The following SMIM27 variants were observed in gnomAD, a reference collection of about 807,000 sequenced individuals.
SMIM27 encodes the protein transition zone microprotein 1.
Under a neutral mutation model 1.8 loss-of-function variants are expected in SMIM27, and 3 were observed. The ratio of observed to expected loss-of-function variants is 1.65; its 90% CI spans 0.75 to 4.28. The LOEUF is 4.28. Ranked by LOEUF, SMIM27 falls within the 30% of genes most tolerant of loss-of-function variation. SMIM27 has a pLI of 0.02. For missense variants in SMIM27, 63 were observed against 37.0 expected (o/e 1.70, Z -1.83); for synonymous variants, 19 against 13.9 (o/e 1.37, Z -0.82).
At position 32,563,979 on chromosome 9, in the gene SMIM27, G is replaced by A. The variant is rs375983975; in HGVS notation, c.46-2412G>A. Among the ~76,000 whole-genome samples, 8 of 152,042 alleles carry A rather than the reference G, an allele frequency of 5.3e-5. No homozygotes were observed. The East Asian group carries it at 7.7e-4, about 15-fold the overall frequency. ...CTCATCTTATACTTTCTCTCCTCCCGCCCTAGAATTGGCCACTGCTCTGAG... is the reference window on the plus strand; with the variant it reads ...CTCATCTTATACTTTCTCTCCTCCCACCCTAGAATTGGCCACTGCTCTGAG... On this transcript the variant is annotated intron_variant, in intron 1 of 1. Coordinates refer to the SMIM27 transcript ENST00000451672.
At chr9:32,557,361 G>A (rs1413168352), downstream of SMIM27, among the ~76,000 whole-genome samples, 1 of 151,184 alleles carries the variant, frequency 6.6e-6, no homozygotes, top group Non-Finnish European at 1.5e-5. Flanking sequence ...TACAGATGGT[G>A]TTTCACCATG....
At chr9:32,566,521 C>T in exon 2 of SMIM27, 1 of 770,218 alleles carries the variant, frequency 1.3e-6, no homozygotes, top group Non-Finnish European at 2.4e-6. Flanking sequence ...GAGACGGCTG[C>T]CACCCTTGGC....
chr9:32,552,761 T>G, intron 1 of SMIM27, 40 bp from the exon 2 acceptor site: 4 of 692,726 alleles, frequency 5.8e-6, no homozygotes, highest in Non-Finnish European at 1.1e-5. Context: ...AGGGGAAATA[T>G]CAGGTAGATT....
At chr9:32,552,221 C>T, upstream of SMIM27, 1 of 639,270 alleles carries the variant, frequency 1.6e-6, no homozygotes, top group South Asian at 1.9e-5. Context: ...TCGTTTATTC[C>T]CCTCTCTAAA....
chr9:32,553,175 A>G (rs2118991251), downstream of SMIM27: 1 of 337,004 alleles, frequency 3.0e-6, no homozygotes, highest in Non-Finnish European at 5.4e-6. Context: ...AAGTTTCTAA[A>G]TTCTTCAAAA....
chr9:32,565,874 A>G (rs1436109531), intron 1 of SMIM27, among the ~76,000 whole-genome samples: 1 of 152,154 alleles, frequency 6.6e-6, no homozygotes, highest in Non-Finnish European at 1.5e-5. Context: ...TGGGAGGTTG[A>G]GGCAGGAGAA....
Position 32,552,714 on chromosome 9 carries a change from C to T in SMIM27, c.46-87C>T, listed in dbSNP as rs1171212861. ...TTATTCGACTTTGTTACTTTAATTC[C>T]CACCTTAGCAATGGCAACGGTAACC... is the stretch of plus-strand genomic sequence containing the variant. On this transcript the variant is annotated intron_variant, in intron 1 of 1. Transcript: ENST00000692500. The T allele has an allele frequency of 9.0e-6, 6 of 667,798 alleles. No homozygotes were observed. In the East Asian group the frequency reaches 1.6e-4, roughly 18 times the overall value. The allele number at this position is 667,798 out of a possible 1,614,324, so 41.4% of individuals were successfully genotyped here.
upstream of SMIM27, chr9:32,552,257 G>C (rs928451141): frequency 1.3e-5 from 11 of 823,952 alleles, no homozygotes; most frequent in Admixed American, 2.3e-5. Flanking sequence ...CCGATCACGT[G>C]ATACCGCCCC....
downstream of SMIM27, chr9:32,553,530 C>T: frequency 4.5e-6 from 1 of 220,268 alleles, no homozygotes; most frequent in Non-Finnish European, 9.1e-6. Context: ...AATTGCTGTT[C>T]TTACATTTGT....
chr9:32,558,494 C>A (rs995821110), intron 1 of SMIM27, among the ~76,000 whole-genome samples: 1 of 152,158 alleles, frequency 6.6e-6, no homozygotes, highest in Non-Finnish European at 1.5e-5. Context: ...AAATGAGGTA[C>A]AAAGCCATAG....
downstream of SMIM27, among the ~76,000 whole-genome samples, chr9:32,556,473 CCT>C (rs1312081823): frequency 2.6e-5 from 4 of 152,186 alleles, no homozygotes; most frequent in Admixed American, 2.0e-4. Flanking sequence ...AAGAAATAAA[CCT>C]CTGTTTTGTT....
At chr9:32,557,249 C>G (rs150265064), downstream of SMIM27, among the ~76,000 whole-genome samples, 30 of 149,930 alleles carry the variant, frequency 2.0e-4, no homozygotes, top group East Asian at 5.7e-3. Flanking sequence ...ACTGCAACTT[C>G]TGCCTTCCAG....
chr9:32,563,491 C>CTGTTTTTTTTTTTT (rs1554673972), intron 1 of SMIM27, among the ~76,000 whole-genome samples: 1 of 92,002 alleles, frequency 1.1e-5, no homozygotes, highest in Non-Finnish European at 2.2e-5. Context: ...GACTATTGGG[C>CTGTTTTTTTTTTTT]TTTTTTTTTT....
intron 1 of SMIM27, 151 bp from the exon 2 acceptor site, chr9:32,552,650 C>G: frequency 1.5e-6 from 1 of 672,072 alleles, no homozygotes; most frequent in Non-Finnish European, 2.7e-6. Flanking sequence ...CCGCTTCTTA[C>G]GTAAGGGCTG....
intron 1 of SMIM27, among the ~76,000 whole-genome samples, chr9:32,562,574 TTACA>T (rs1296235093): frequency 6.6e-6 from 1 of 152,202 alleles, no homozygotes; most frequent in Non-Finnish European, 1.5e-5. Flanking sequence ...AATTTTAAAC[TTACA>T]TAAAGCTGCA....
At chr9:32,562,880 C>A (rs1236495437) in intron 1 of SMIM27, among the ~76,000 whole-genome samples, 2 of 152,214 alleles carry the variant, frequency 1.3e-5, no homozygotes, top group African/African-American at 4.8e-5. Flanking sequence ...AACACCGTCA[C>A]TGTTCTTACA....
At chr9:32,553,070 G>C (rs1331536575), downstream of SMIM27, 1 of 517,908 alleles carries the variant, frequency 1.9e-6, no homozygotes, top group African/African-American at 1.9e-5. Context: ...TTCACTTAGA[G>C]ATTTTAGTAT....
chr9:32,553,744 CA>C (rs1366898002), downstream of SMIM27: 1 of 658,424 alleles, frequency 1.5e-6, no homozygotes. Context: ...TCAAATTGTA[CA>C]ATGCTTGAAA....
chr9:32,557,650 T>C (rs558773453), downstream of SMIM27, among the ~76,000 whole-genome samples: 27 of 152,042 alleles, frequency 1.8e-4, no homozygotes, highest in South Asian at 4.6e-3. Flanking sequence ...CGGTAATTTT[T>C]GTATTTTTAG....
Sources: gnomAD v4.1 joint callset for allele counts (sites outside exome capture counted in the v4.1 genomes callset) on GRCh38, gnomAD v4.1.1 for gene constraint, MANE v1.5 for transcripts, NCBI Gene and HGNC (gene_info 2026-07-23, HGNC 2026-07-21) for gene names.